The following TNIP1 variants were observed in gnomAD, a reference collection of about 807,000 sequenced individuals.
TNIP1 encodes the protein TNFAIP3 interacting protein 1.
TNIP1 carries 22 observed loss-of-function variants against 86.6 expected under a neutral mutation model. The observed-to-expected ratio is 0.25, with a 90% CI of 0.18 to 0.36. The LOEUF (loss-of-function observed/expected upper bound fraction) is 0.36. Ranked by LOEUF, TNIP1 falls within the 10% of genes least tolerant of loss-of-function variation. The pLI is 1.00. For missense variants in TNIP1, 709 were observed against 820.6 expected, an observed-to-expected ratio of 0.86 and a Z score of 1.66; for synonymous variants, 294 against 313.0, an observed-to-expected ratio of 0.94 and a Z score of 0.64.
intron 9 of TNIP1, among the ~76,000 whole-genome samples, chr5:151,044,144 A>G (rs1400277236): frequency 6.6e-6 from 1 of 152,084 alleles, no homozygotes; most frequent in Non-Finnish European, 1.5e-5. Context: ...TCCTGAGCTC[A>G]AGTGATCCTC....
At chr5:151,085,958 G>A (rs141943555), upstream of TNIP1, among the ~76,000 whole-genome samples, 520 of 152,114 alleles carry the variant, frequency 3.4e-3, 1 homozygote, top group Middle Eastern at 0.01. Context: ...GCCCCTCCCC[G>A]CTCTCCCTCC....
intron 6 of TNIP1, 77 bp downstream of exon 6, chr5:151,056,689 C>A: frequency 7.3e-7 from 1 of 1,368,218 alleles, no homozygotes; most frequent in Non-Finnish European, 9.6e-7. Context: ...CAGTGGATTC[C>A]CAGGAGCAGG....
intron 13 of TNIP1, among the ~76,000 whole-genome samples, chr5:151,036,529 A>G (rs1298056307): frequency 1.3e-5 from 2 of 152,218 alleles, no homozygotes; most frequent in Admixed American, 1.3e-4. Context: ...TTTATTTAGA[A>G]TTTATTTTTT....
intron 9 of TNIP1, among the ~76,000 whole-genome samples, chr5:151,043,927 A>G (rs1481700130): frequency 6.6e-6 from 1 of 152,232 alleles, no homozygotes; most frequent in Admixed American, 6.5e-5. Context: ...ATAAAACAAA[A>G]GGAGTATTGG....
At chr5:151,050,190 C>G (rs990164188) in intron 7 of TNIP1, among the ~76,000 whole-genome samples, 1 of 152,220 alleles carries the variant, frequency 6.6e-6, no homozygotes, top group Non-Finnish European at 1.5e-5. Flanking sequence ...GCACACAAGA[C>G]CTTCCGGATA....
At position 151,049,918 on chromosome 5, in the gene TNIP1, A is replaced by C. The variant is rs754562369; in HGVS notation, c.752T>G (p.Leu251Trp). The C allele has an allele frequency of 6.2e-7, 1 of 1,614,150 alleles. No individual in the cohort carries two copies. The highest frequency in any genetic ancestry group is 1.1e-5 in the South Asian group (1 of 91,080). The change falls in exon 8 of 18, where the codon TTG becomes TGG. Residue 251 changes from leucine to tryptophan, a missense_variant. Transcript: ENST00000521591. ...REENLELKKL[L>W]MSNGNKEGAS... The stretch of plus-strand genomic sequence containing the variant: ...ACCCTCTTTGTTGCCATTGCTCATC[A>C]ACAACTTCTTGAGCTCCAAATTTTC...
chr5:151,083,417 A>C (rs1764157457), upstream of TNIP1, among the ~76,000 whole-genome samples: 1 of 152,078 alleles, frequency 6.6e-6, no homozygotes, highest in South Asian at 2.1e-4. Context: ...CACCATACAC[A>C]TCCTCTGTGA....
At chr5:151,045,640 C>T (rs1759058373) in intron 9 of TNIP1, among the ~76,000 whole-genome samples, 1 of 152,220 alleles carries the variant, frequency 6.6e-6, no homozygotes, top group Admixed American at 6.5e-5. Flanking sequence ...CACATGCCAC[C>T]TCCTCAGAGT....
chr5:151,084,023 A>G (rs1373791441), upstream of TNIP1, among the ~76,000 whole-genome samples: 1 of 152,360 alleles, frequency 6.6e-6, no homozygotes, highest in East Asian at 1.9e-4. Context: ...CTTACAGCAC[A>G]GCAAGTAACC....
chr5:151,053,848 T>TA (rs1361772524), intron 6 of TNIP1, among the ~76,000 whole-genome samples: 2 of 151,750 alleles, frequency 1.3e-5, no homozygotes, highest in Non-Finnish European at 2.9e-5. Flanking sequence ...TGGCGGGGAG[T>TA]AAAACTCCAA....
chr5:151,030,565 G>A lies in TNIP1; in HGVS notation c.*148C>T. 7.7e-7 allele frequency: 1 copy of A among 1,291,240 alleles called. No homozygotes were observed. The highest frequency in any genetic ancestry group is 1.3e-5 in the South Asian group (1 of 78,082). 80.0% of individuals were successfully genotyped at this position (1,291,240 alleles called of 1,614,324 possible). ...CCAGTCCTGTAAACAGCTCAGTTCA[G>A]GGACTGGTGTACAAGCTGGCCACCC... On this transcript the variant is annotated 3_prime_UTR_variant, in exon 18 of 18. Coordinates refer to ENST00000521591, the MANE Select transcript of TNIP1 (RefSeq NM_006058.5).
chr5:151,052,480 G>GC (rs1760076010), intron 6 of TNIP1, among the ~76,000 whole-genome samples: 1 of 152,180 alleles, frequency 6.6e-6, no homozygotes, highest in Non-Finnish European at 1.5e-5. Context: ...CCAAGTATCA[G>GC]CCATGGGGCC....
intron 6 of TNIP1, 35 bp downstream of exon 6, chr5:151,056,731 T>C (rs1265526119): frequency 2.1e-5 from 30 of 1,443,640 alleles, no homozygotes; most frequent in Non-Finnish European, 2.4e-5. Context: ...GAAGCACGCC[T>C]GCCTGTCTCG....
Position 151,065,005 on chromosome 5 carries a change from C to T in TNIP1, c.91G>A (p.Glu31Lys). 1.9e-6 allele frequency: 3 copies of T among 1,614,216 alleles called. No individual in the cohort carries two copies. The highest frequency in any genetic ancestry group is 2.5e-6 in the Non-Finnish European group (3 of 1,180,032). ...ATTTTTTCCTTCAGCCGGGAATTCT[C>T]CTTCACTAGGCGCTCAAAAGCTGCG... is the stretch of plus-strand genomic sequence containing the variant. ...ASAAFERLVK[E>K]NSRLKEKMQG... Residue 31 changes from glutamate to lysine, a missense_variant, in exon 2 of 18, where the codon GAG (glutamate) becomes AAG (lysine). Glu to Lys is a moderately conservative substitution (Grantham distance 56). Transcript: ENST00000521591.
rs60646696 is a variant in TNIP1 at position 151,053,096 on chromosome 5, T to A, written c.628-837A>T. Among the ~76,000 whole-genome samples the A allele has an allele frequency of 5.1e-5, 7 of 136,812 alleles. No individual in the cohort carries two copies. The East Asian group carries it at 6.4e-4, about 13-fold the overall frequency. The allele number at this position is 136,812 out of a possible 152,430, so 89.8% of individuals were successfully genotyped here. ...CTCCTCTACAAAAGAAAGACAACTGTTTCTCTTTTTTTTTTTTTTTTTTTT... is the reference window on the plus strand; with the variant it reads ...CTCCTCTACAAAAGAAAGACAACTGATTCTCTTTTTTTTTTTTTTTTTTTT... On this transcript the variant is annotated intron_variant, in intron 6 of 17. Coordinates refer to ENST00000521591, the MANE Select transcript of TNIP1 (RefSeq NM_006058.5).
intron 15 of TNIP1, 134 bp downstream of exon 15, chr5:151,034,868 T>C: frequency 1.1e-6 from 1 of 920,766 alleles, no homozygotes; most frequent in Non-Finnish European, 1.7e-6. Context: ...GCTCTAAGGC[T>C]TTTCCTGTAT....
rs751797919 is a variant in TNIP1 at position 151,035,722 on chromosome 5, G to A, written c.1396-15C>T. ...AAGATCTTCACCTGGTGTGGAGGGA[G>A]GGTGAAGAGAGGGAGGGGGATGGTC... is the stretch of plus-strand genomic sequence containing the variant. On this transcript the variant is annotated splice_polypyrimidine_tract_variant and intron_variant, in intron 13 of 17. Coordinates refer to ENST00000521591, the MANE Select transcript of TNIP1 (RefSeq NM_006058.5). The A allele has an allele frequency of 2.5e-6, 4 of 1,613,644 alleles. No homozygotes were observed. Among genetic ancestry groups the A allele is most frequent in the Non-Finnish European group, 2.5e-6 (3 of 1,179,936 alleles).
chr5:151,056,666 G>A, intron 6 of TNIP1, 100 bp downstream of exon 6: 1 of 1,201,316 alleles, frequency 8.3e-7, no homozygotes, highest in Non-Finnish European at 1.1e-6. Context: ...GCCTTCAGAA[G>A]TCCCCATGGT....
rs377169525 is a variant in TNIP1, at chr5:151,086,606, C to G, written c.-37+479G>C. ...ACACAGATACACACACAAATACACACAGTCACCAACTTACACCCACACAGA... is the reference window on the plus strand; with the variant it reads ...ACACAGATACACACACAAATACACAGAGTCACCAACTTACACCCACACAGA... On this transcript the variant is annotated intron_variant, in intron 1 of 17. Coordinates refer to the TNIP1 transcript ENST00000315050. 7.2e-5 allele frequency among the ~76,000 whole-genome samples: 11 copies of G among 152,312 alleles called. No individual in the cohort carries two copies. The South Asian group carries it at 2.1e-3, about 29-fold the overall frequency.
Sources: gnomAD v4.1 joint callset for allele counts (sites outside exome capture counted in the v4.1 genomes callset) on GRCh38, gnomAD v4.1.1 for gene constraint, MANE v1.5 for transcripts, NCBI Gene and HGNC (gene_info 2026-07-23, HGNC 2026-07-21) for gene names.